The following NPC1 variants were observed in gnomAD, a reference collection of about 807,000 sequenced individuals.
NPC1 encodes the protein NPC intracellular cholesterol transporter 1, also known as Niemann-Pick C1 protein.
In NPC1, 85 loss-of-function variants were observed where a neutral mutation model predicts 140.4. The observed-to-expected ratio is 0.61, with a 90% CI of 0.51 to 0.72. NPC1 has a LOEUF of 0.72. NPC1 is among the 30% of genes least tolerant of loss of function. NPC1 has a pLI of 0.00. For synonymous variants in NPC1, 656 were observed against 624.8 expected (o/e 1.05, Z -0.74); for missense variants, 1,504 against 1,623.8 (o/e 0.93, Z 1.27).
At chr18:23,531,388 T>C (rs1350756492), downstream of NPC1, 1 of 702,866 alleles carries the variant, frequency 1.4e-6, no homozygotes, top group African/African-American at 1.8e-5. Flanking sequence ...CTAGGTCTAT[T>C]TCTAGCTCAA....
intron 17 of NPC1, 22 bp from the exon 18 acceptor site, chr18:23,540,023 A>G: frequency 1.2e-6 from 2 of 1,600,350 alleles, no homozygotes; most frequent in Non-Finnish European, 1.7e-6. Context: ...ATAAAAGAAT[A>G]GGAGAGAGTG....
chr18:23,552,922 T>C (rs938243494), intron 9 of NPC1, among the ~76,000 whole-genome samples: 4 of 152,122 alleles, frequency 2.6e-5, no homozygotes, highest in Non-Finnish European at 5.9e-5. Flanking sequence ...CTGGTAGCTG[T>C]CACTGCCTTT....
intron 6 of NPC1, among the ~76,000 whole-genome samples, chr18:23,559,099 C>T (rs1363592446): frequency 6.6e-6 from 1 of 152,164 alleles, no homozygotes; most frequent in Non-Finnish European, 1.5e-5. Context: ...GTATGTGCCA[C>T]ATTTTCTTAA....
chr18:23,544,533 G>C lies in NPC1; in HGVS notation c.1948-7C>G, dbSNP rs1226900834. ...GTGAGACCTTCGAATCCACCTGAGAGAGGCGACAGACACAATCACCAATTA... is the reference window on the plus strand; with the variant it reads ...GTGAGACCTTCGAATCCACCTGAGACAGGCGACAGACACAATCACCAATTA... On this transcript the variant is annotated splice_polypyrimidine_tract_variant and splice_region_variant and intron_variant, in intron 12 of 24. Transcript: ENST00000269228. 2.5e-6 allele frequency: 4 copies of C among 1,613,990 alleles called. No homozygotes were observed. Among genetic ancestry groups the C allele is most frequent in the Non-Finnish European group, 3.4e-6 (4 of 1,179,902 alleles).
intron 3 of NPC1, chr18:23,508,098 G>A: frequency 6.7e-7 from 1 of 1,503,434 alleles, no homozygotes; most frequent in South Asian, 1.3e-5. Flanking sequence ...GCTGGGTTAT[G>A]TAGTGGAGAG....
Position 23,573,581 on chromosome 18 carries a change from A to G in NPC1, c.58-7T>C. On this transcript the variant is annotated splice_region_variant and splice_polypyrimidine_tract_variant and intron_variant, in intron 1 of 24. Coordinates refer to ENST00000269228, the MANE Select transcript of NPC1 (RefSeq NM_000271.5). ...CACAGGACTGTGAAAACACCTACAG[A>G]AAGTCAACACAAACTTCAGTGTTAC... 1 of 1,614,180 alleles carries G rather than the reference A, an allele frequency of 6.2e-7. No individual in the cohort carries two copies. Among genetic ancestry groups the G allele is most frequent in the Non-Finnish European group, 8.5e-7 (1 of 1,180,018 alleles).
intron 2 of NPC1, 111 bp from the exon 3 acceptor site, chr18:23,572,291 G>C (rs935425111): frequency 2.7e-6 from 2 of 734,616 alleles, no homozygotes; most frequent in South Asian, 1.5e-5. Flanking sequence ...AAGTACAAAA[G>C]GGTAAGACAC....
At chr18:23,572,669 C>CAAA (rs1555642029) in intron 2 of NPC1, among the ~76,000 whole-genome samples, 1 of 151,462 alleles carries the variant, frequency 6.6e-6, no homozygotes, top group Admixed American at 6.6e-5. Context: ...CCCCATCTCC[C>CAAA]CAAATTTTTA....
intron 11 of NPC1, 71 bp downstream of exon 11, chr18:23,547,935 T>G (rs1316794304): frequency 9.8e-6 from 9 of 918,328 alleles, no homozygotes; most frequent in Non-Finnish European, 1.7e-5. Flanking sequence ...AAATGAAGTT[T>G]AAGTGCTTGC....
chr18:23,529,887 CT>C, downstream of NPC1: 2 of 1,057,550 alleles, frequency 1.9e-6, no homozygotes. Context: ...AAGTTGGGGT[CT>C]TTACCTGCAT....
intron 6 of NPC1, among the ~76,000 whole-genome samples, chr18:23,559,959 CA>C (rs112490232): frequency 6.2e-4 from 85 of 137,304 alleles, no homozygotes; most frequent in African/African-American, 1.2e-3. Flanking sequence ...ACTCAGTCTC[CA>C]AAAAAAAAAA....
chr18:23,525,045 C>G (rs1173884420), downstream of NPC1, among the ~76,000 whole-genome samples: 8 of 137,224 alleles, frequency 5.8e-5, no homozygotes, highest in Non-Finnish European at 1.2e-4. Flanking sequence ...CTCCCGGGTT[C>G]AAGCGATTCT....
At chr18:23,512,166 G>A (rs753382025) in intron 3 of NPC1, among the ~76,000 whole-genome samples, 3 of 151,480 alleles carry the variant, frequency 2.0e-5, no homozygotes, top group African/African-American at 4.8e-5. Flanking sequence ...GTCTACAGGC[G>A]CCCAGCACCA....
chr18:23,532,421 G>T, intron 24 of NPC1, 137 bp from the exon 25 acceptor site: 1 of 905,250 alleles, frequency 1.1e-6, no homozygotes, highest in Non-Finnish European at 1.8e-6. Context: ...GGACAACAGA[G>T]TGAGACCACA....
intron 9 of NPC1, among the ~76,000 whole-genome samples, chr18:23,553,627 A>G (rs755075151): frequency 5.3e-5 from 8 of 152,244 alleles, no homozygotes; most frequent in Non-Finnish European, 7.3e-5. Flanking sequence ...CTGAAGAAAT[A>G]GCCACTGTGG....
At chr18:23,510,619 C>A (rs977353034) in intron 3 of NPC1, among the ~76,000 whole-genome samples, 1 of 152,062 alleles carries the variant, frequency 6.6e-6, no homozygotes, top group African/African-American at 2.4e-5. Context: ...TGCACTCCAG[C>A]CTGGGCAACA....
At chr18:23,557,270 T>A in intron 6 of NPC1, 80 bp from the exon 7 acceptor site, 1 of 1,050,974 alleles carries the variant, frequency 9.5e-7, no homozygotes, top group Non-Finnish European at 1.4e-6. Flanking sequence ...TGTAATCCCA[T>A]GAAATGCTTT....
At chr18:23,547,900 C>G in intron 11 of NPC1, 106 bp downstream of exon 11, 1 of 796,922 alleles carries the variant, frequency 1.3e-6, no homozygotes, top group Non-Finnish European at 2.3e-6. Context: ...CTACGTAACT[C>G]AGATCTGCCA....
intron 1 of NPC1, among the ~76,000 whole-genome samples, chr18:23,577,102 ATTAG>A (rs1363551342): frequency 2.0e-5 from 3 of 151,862 alleles, no homozygotes; most frequent in South Asian, 2.1e-4. Flanking sequence ...TCCCCATCAG[ATTAG>A]TTAGATACAG....
Sources: gnomAD v4.1 joint callset for allele counts (sites outside exome capture counted in the v4.1 genomes callset) on GRCh38, gnomAD v4.1.1 for gene constraint, MANE v1.5 for transcripts, NCBI Gene and HGNC (gene_info 2026-07-23, HGNC 2026-07-21) for gene names.